ACSS1: variants seen among roughly 807,000 people sequenced by gnomAD.
The protein encoded by ACSS1 is acyl-CoA synthetase short chain family member 1.
In ACSS1, 42 loss-of-function variants were observed where a neutral mutation model predicts 75.3. That is an observed-to-expected ratio of 0.56 (90% confidence interval 0.44 to 0.72). The LOEUF (loss-of-function observed/expected upper bound fraction) is 0.72. Ranked by LOEUF, ACSS1 falls within the 30% of genes least tolerant of loss-of-function variation. The pLI is 0.00. For synonymous variants in ACSS1, 380 were observed against 376.8 expected, an observed-to-expected ratio of 1.01 and a Z score of -0.10; for missense variants, 782 against 935.7, an observed-to-expected ratio of 0.84 and a Z score of 2.14.
At chr20:25,012,073 C>T (rs1175280330) in intron 12 of ACSS1, 3 of 156,944 alleles carry the variant, frequency 1.9e-5, no homozygotes, top group African/African-American at 7.2e-5. Flanking sequence ...ATTCTAGTCC[C>T]TCATTCTGCA....
chr20:25,054,447 C>A (rs1362398535), intron 1 of ACSS1, among the ~76,000 whole-genome samples: 1 of 152,242 alleles, frequency 6.6e-6, no homozygotes, highest in Non-Finnish European at 1.5e-5. Context: ...TTCATTCTAA[C>A]AGCCCTGGGA....
chr20:25,032,402 C>T (rs754414478), intron 2 of ACSS1: 25 of 1,403,480 alleles, frequency 1.8e-5, no homozygotes, highest in South Asian at 3.2e-5. Context: ...GAAGTGGAAG[C>T]GATCCCAAGG....
chr20:25,042,633 G>A (rs2089022888), intron 2 of ACSS1, among the ~76,000 whole-genome samples: 1 of 152,166 alleles, frequency 6.6e-6, no homozygotes, highest in South Asian at 2.1e-4. Flanking sequence ...GTGAGCAGAA[G>A]AGCAAGGGGC....
chr20:25,042,493 C>T (rs1273069713), intron 2 of ACSS1, among the ~76,000 whole-genome samples: 11 of 152,186 alleles, frequency 7.2e-5, no homozygotes, highest in Admixed American at 5.2e-4. Context: ...TTGCCTTCCA[C>T]GACAGCCGCT....
At chr20:25,049,298 G>T (rs1459862245) in intron 1 of ACSS1, among the ~76,000 whole-genome samples, 1 of 152,146 alleles carries the variant, frequency 6.6e-6, no homozygotes, top group Non-Finnish European at 1.5e-5. Context: ...GGGGAGCTGG[G>T]GGTGCTAACC....
chr20:25,055,802 C>T (rs2089233369), intron 1 of ACSS1, among the ~76,000 whole-genome samples: 1 of 152,226 alleles, frequency 6.6e-6, no homozygotes, highest in South Asian at 2.1e-4. Flanking sequence ...TCACACACAG[C>T]TGACAGATCA....
Position 25,014,853 on chromosome 20 carries a change from T to C in ACSS1, c.1339+285A>G, listed in dbSNP as rs1383724101. On this transcript the variant is annotated intron_variant, in intron 8 of 13. Transcript: ENST00000323482. Reference sequence around the variant, plus strand: ...AGGCCTTGGGCAGCAAGCTGAGCTGTGTCACCTCAGTTCACCCTCACCCAG... The same window carrying C: ...AGGCCTTGGGCAGCAAGCTGAGCTGCGTCACCTCAGTTCACCCTCACCCAG... Among the ~76,000 whole-genome samples the C allele has an allele frequency of 2.0e-5, 3 of 152,170 alleles. No homozygotes were observed. The East Asian group carries it at 5.8e-4, about 29-fold the overall frequency.
At chr20:25,035,410 C>CTT (rs59082208) in intron 2 of ACSS1, among the ~76,000 whole-genome samples, 3 of 144,494 alleles carry the variant, frequency 2.1e-5, no homozygotes, top group Admixed American at 6.9e-5. Context: ...TTCCAGGTGA[C>CTT]TTTTTTTTTT....
chr20:25,009,317 T>A lies in ACSS1; in HGVS notation c.1843A>T (p.Met615Leu). The A allele has an allele frequency of 6.2e-7, 1 of 1,614,232 alleles. No individual in the cohort carries two copies. ...TATTTGGCGATCTTGGTGGCCACCA[T>A]GGACTTGAGCTCCTGCACCACCACA... The part of the protein sequence containing the change: ...SDVVVQELKS[M>L]VATKIAKYAV... The change falls in exon 13 of 14, where the codon ATG (methionine) becomes TTG (leucine). Residue 615 changes from methionine to leucine, a missense_variant. Met to Leu is a conservative substitution (Grantham distance 15). Transcript: ENST00000323482.
chr20:25,020,283 C>T (rs1191569312), intron 6 of ACSS1, 136 bp from the exon 7 acceptor site: 1 of 1,212,288 alleles, frequency 8.2e-7, no homozygotes, highest in African/African-American at 1.5e-5. Context: ...TCCCCCCAAC[C>T]CCCCACCCCC....
chr20:25,035,481 C>T (rs1210021391), intron 2 of ACSS1, among the ~76,000 whole-genome samples: 4 of 152,076 alleles, frequency 2.6e-5, no homozygotes, highest in Non-Finnish European at 4.4e-5. Flanking sequence ...TCTCCGCTCA[C>T]TGCAACCTCC....
intron 1 of ACSS1, among the ~76,000 whole-genome samples, chr20:25,051,620 A>G (rs2089175710): frequency 6.6e-6 from 1 of 152,192 alleles, no homozygotes; most frequent in South Asian, 2.1e-4. Flanking sequence ...GACTCTGACG[A>G]TGTGTGCACA....
chr20:25,017,609 C>T (rs960456746), intron 7 of ACSS1, among the ~76,000 whole-genome samples: 2 of 152,202 alleles, frequency 1.3e-5, no homozygotes, highest in Non-Finnish European at 1.5e-5. Flanking sequence ...TGCCTATCAA[C>T]CAGCTAAATA....
At chr20:25,029,019 A>G (rs957378804) in intron 3 of ACSS1, among the ~76,000 whole-genome samples, 2 of 152,222 alleles carry the variant, frequency 1.3e-5, no homozygotes, top group African/African-American at 4.8e-5. Context: ...AACAAAATAA[A>G]AAATAGATAA....
intron 2 of ACSS1, among the ~76,000 whole-genome samples, chr20:25,039,965 C>T (rs1419787663): frequency 6.6e-6 from 1 of 152,232 alleles, no homozygotes; most frequent in Non-Finnish European, 1.5e-5. Context: ...CAAGAGCACA[C>T]TGGGGGACTG....
chr20:25,053,509 T>A (rs2089204473), intron 1 of ACSS1, among the ~76,000 whole-genome samples: 1 of 152,222 alleles, frequency 6.6e-6, no homozygotes, highest in Non-Finnish European at 1.5e-5. Flanking sequence ...GGACTTGGAT[T>A]CCTCGGGAGG....
At chr20:25,052,632 G>A (rs2089190755) in intron 1 of ACSS1, among the ~76,000 whole-genome samples, 1 of 152,226 alleles carries the variant, frequency 6.6e-6, no homozygotes, top group South Asian at 2.1e-4. Context: ...GGGCTCTGTG[G>A]TATTGAGCAT....
At chr20:25,018,095 A>C (rs921359460) in intron 7 of ACSS1, among the ~76,000 whole-genome samples, 1 of 152,184 alleles carries the variant, frequency 6.6e-6, no homozygotes. Context: ...GTCCCCTCCA[A>C]ATCTCACGCT....
intron 2 of ACSS1, among the ~76,000 whole-genome samples, chr20:25,043,192 C>T (rs2089033064): frequency 6.6e-6 from 1 of 152,224 alleles, no homozygotes; most frequent in Non-Finnish European, 1.5e-5. Context: ...ACTTCCCCTT[C>T]CTCTGCCTCT....
Sources: gnomAD v4.1 joint callset for allele counts (sites outside exome capture counted in the v4.1 genomes callset) on GRCh38, gnomAD v4.1.1 for gene constraint, MANE v1.5 for transcripts, NCBI Gene and HGNC (gene_info 2026-07-23, HGNC 2026-07-21) for gene names.